SLC25A16: variants seen among roughly 807,000 people sequenced by gnomAD.
The protein encoded by SLC25A16 is solute carrier family 25 member 16.
A neutral mutation model predicts 41.5 loss-of-function variants in SLC25A16; 39 were observed. The observed-to-expected ratio is 0.94, with a 90% CI of 0.73 to 1.23. The LOEUF (loss-of-function observed/expected upper bound fraction) is 1.23, where lower values mean the gene tolerates loss of function less well. Among genes scored for constraint, SLC25A16 ranks in the 50% most tolerant of loss-of-function variants. The pLI is 0.00. For synonymous variants in SLC25A16, 146 were observed against 147.8 expected (o/e 0.99, Z 0.09); for missense variants, 421 against 426.9 (o/e 0.99, Z 0.12).
At chr10:68,515,048 A>AT (rs539523643) in intron 2 of SLC25A16, among the ~76,000 whole-genome samples, 18,392 of 140,840 alleles carry the variant, frequency 0.13, 1,255 homozygotes, top group South Asian at 0.24. Flanking sequence ...TAAAGTCTTG[A>AT]TTTTTTTTTT....
At position 68,483,139 on chromosome 10, in the gene SLC25A16, C is replaced by G; in HGVS notation, c.*293G>C. On this transcript the variant is annotated 3_prime_UTR_variant, in exon 9 of 9. Coordinates refer to ENST00000609923, the MANE Select transcript of SLC25A16 (RefSeq NM_152707.4). ...AGCATGACAAAGCTAATGGCAACCTCTTGAACCCCGTTTTAAAGCTAGTTC... is the reference window on the plus strand; with the variant it reads ...AGCATGACAAAGCTAATGGCAACCTGTTGAACCCCGTTTTAAAGCTAGTTC... 4.7e-6 allele frequency: 1 copy of G among 214,274 alleles called. No individual in the cohort carries two copies. Among genetic ancestry groups the G allele is most frequent in the South Asian group, 1.6e-4 (1 of 6,088 alleles). 13.3% of individuals were successfully genotyped at this position (214,274 alleles called of 1,614,324 possible).
intron 6 of SLC25A16, among the ~76,000 whole-genome samples, chr10:68,492,316 A>G (rs761546238): frequency 5.9e-5 from 9 of 152,166 alleles, no homozygotes; most frequent in Admixed American, 6.5e-5. Flanking sequence ...TAGTCATTCC[A>G]ACACTTACTC....
chr10:68,497,955 A>C (rs942449856), intron 4 of SLC25A16, among the ~76,000 whole-genome samples: 2 of 151,974 alleles, frequency 1.3e-5, no homozygotes, highest in African/African-American at 4.8e-5. Context: ...TGCCCAGGCT[A>C]GTCTTGAATT....
At chr10:68,524,143 T>C (rs930621617) in intron 1 of SLC25A16, among the ~76,000 whole-genome samples, 9 of 151,598 alleles carry the variant, frequency 5.9e-5, no homozygotes, top group African/African-American at 1.9e-4. Context: ...ACCCCGTCTC[T>C]ACTAAAAATA....
intron 2 of SLC25A16, among the ~76,000 whole-genome samples, chr10:68,511,854 C>A (rs1163523516): frequency 1.3e-5 from 2 of 151,140 alleles, no homozygotes; most frequent in African/African-American, 4.9e-5. Context: ...CAACCACATG[C>A]ATTTAATTTT....
At chr10:68,496,443 TG>T in intron 4 of SLC25A16, 2 of 977,884 alleles carry the variant, frequency 2.0e-6, no homozygotes, top group Non-Finnish European at 2.4e-6. Context: ...CCTTGAATAG[TG>T]GTGGTAACAG....
In SLC25A16 at chr10:68,482,911, A is replaced by G. The variant is rs2052501315; in HGVS notation, c.*521T>C. On this transcript the variant is annotated 3_prime_UTR_variant, in exon 9 of 9. Coordinates refer to ENST00000609923, the MANE Select transcript of SLC25A16 (RefSeq NM_152707.4). ...TTAATTTTATTTAAAAAATGAAGGA[A>G]AGAAGTGTTTTTCCTATTATCCAGT... 1 of 152,198 alleles carries G rather than the reference A, an allele frequency of 6.6e-6. No homozygotes were observed. The highest frequency in any genetic ancestry group is 2.1e-4 in the South Asian group (1 of 4,836). The allele number at this position is 152,198 out of a possible 1,614,324, so 9.4% of individuals were successfully genotyped here.
Position 68,527,447 on chromosome 10 carries a change from G to C in SLC25A16, c.-72C>G. On this transcript the variant is annotated 5_prime_UTR_variant, in exon 1 of 9. Coordinates refer to ENST00000609923, the MANE Select transcript of SLC25A16 (RefSeq NM_152707.4). Reference sequence around the variant, plus strand: ...ACCGGACGGGACCATAGCCGGAACAGGCGGTGACAGGAGGCTGACCGCCCC... The same window carrying C: ...ACCGGACGGGACCATAGCCGGAACACGCGGTGACAGGAGGCTGACCGCCCC... 2.2e-6 allele frequency: 3 copies of C among 1,379,016 alleles called. No individual in the cohort carries two copies. Among genetic ancestry groups the C allele is most frequent in the Non-Finnish European group, 2.8e-6 (3 of 1,066,962 alleles). The allele number at this position is 1,379,016 out of a possible 1,614,324, so 85.4% of individuals were successfully genotyped here.
rs905276320 is a variant in SLC25A16, at chr10:68,527,397, A to G, written c.-22T>C. The G allele has an allele frequency of 3.1e-5, 45 of 1,456,080 alleles. No individual in the cohort carries two copies. Among genetic ancestry groups the G allele is most frequent in the Admixed American group, 5.7e-5 (2 of 35,388 alleles). 90.2% of individuals were successfully genotyped at this position (1,456,080 alleles called of 1,614,324 possible). ...CCATCAGGACCAGGGTCGCGTCAGGAGCCTAGGTTGCCAACTTACAGAACA... is the reference window on the plus strand; with the variant it reads ...CCATCAGGACCAGGGTCGCGTCAGGGGCCTAGGTTGCCAACTTACAGAACA... On this transcript the variant is annotated 5_prime_UTR_variant, in exon 1 of 9. Transcript: ENST00000609923.
At chr10:68,511,882 G>A (rs2053069516) in intron 2 of SLC25A16, among the ~76,000 whole-genome samples, 1 of 150,416 alleles carries the variant, frequency 6.6e-6, no homozygotes, top group East Asian at 2.0e-4. Flanking sequence ...TTTAAGATGG[G>A]TTCTCACTCT....
Position 68,483,320 on chromosome 10 carries a change from C to G in SLC25A16, c.*112G>C. On this transcript the variant is annotated 3_prime_UTR_variant, in exon 9 of 9. Coordinates refer to ENST00000609923, the MANE Select transcript of SLC25A16 (RefSeq NM_152707.4). ...TAATCAAGTACTAAAATACCAGTGG[C>G]TCTTGTGACAGGGTAAATATCCCCA... 1 of 666,878 alleles carries G rather than the reference C, an allele frequency of 1.5e-6. No homozygotes were observed. The highest frequency in any genetic ancestry group is 2.5e-6 in the Non-Finnish European group (1 of 406,772). The allele number at this position is 666,878 out of a possible 1,614,324, so 41.3% of individuals were successfully genotyped here.
At chr10:68,489,765 G>A (rs999929070) in intron 6 of SLC25A16, among the ~76,000 whole-genome samples, 11 of 151,934 alleles carry the variant, frequency 7.2e-5, no homozygotes, top group Non-Finnish European at 1.5e-4. Flanking sequence ...GCTGGGTGTG[G>A]TGGTGCGCGC....
At chr10:68,491,899 G>A (rs1015277236) in intron 6 of SLC25A16, among the ~76,000 whole-genome samples, 3 of 151,902 alleles carry the variant, frequency 2.0e-5, no homozygotes, top group African/African-American at 7.2e-5. Flanking sequence ...CGTGATCTCG[G>A]CTCACCACAA....
chr10:68,525,665 G>A (rs1266815329), intron 1 of SLC25A16, among the ~76,000 whole-genome samples: 1 of 152,130 alleles, frequency 6.6e-6, no homozygotes, highest in African/African-American at 2.4e-5. Context: ...ATTAAGTAAT[G>A]ACAACCTGTG....
At chr10:68,506,842 T>A (rs2052964002) in intron 2 of SLC25A16, 124 bp from the exon 3 acceptor site, 2 of 539,018 alleles carry the variant, frequency 3.7e-6, no homozygotes, top group African/African-American at 3.9e-5. Flanking sequence ...AGGGATTACA[T>A]GAATAGTAAT....
intron 4 of SLC25A16, among the ~76,000 whole-genome samples, chr10:68,502,801 A>AG (rs1489185740): frequency 2.2e-5 from 1 of 44,596 alleles, no homozygotes; most frequent in African/African-American, 1.0e-4. Flanking sequence ...AGGGGTAGGG[A>AG]GGGAAGCGGA....
chr10:68,524,873 T>C (rs1027917095), intron 1 of SLC25A16, among the ~76,000 whole-genome samples: 1 of 150,574 alleles, frequency 6.6e-6, no homozygotes, highest in Non-Finnish European at 1.5e-5. Flanking sequence ...TGAGACTCCA[T>C]CTCAAAAAAG....
At chr10:68,491,215 T>C (rs2052651863) in intron 6 of SLC25A16, among the ~76,000 whole-genome samples, 1 of 149,770 alleles carries the variant, frequency 6.7e-6, no homozygotes, top group African/African-American at 2.5e-5. Context: ...GCACTGTTTT[T>C]TTGTTGTTGC....
intron 2 of SLC25A16, among the ~76,000 whole-genome samples, chr10:68,514,771 C>G (rs1185643417): frequency 1.3e-5 from 2 of 151,846 alleles, no homozygotes; most frequent in African/African-American, 4.8e-5. Flanking sequence ...AAGTCTCGCT[C>G]TTGTCCCCCA....
Sources: allele counts gnomAD v4.1 joint callset (sites outside exome capture counted in the v4.1 genomes callset), GRCh38; gene constraint gnomAD v4.1.1; transcripts MANE v1.5; gene names NCBI Gene and HGNC (gene_info 2026-07-23, HGNC 2026-07-21).